ACOT7: variants seen among roughly 807,000 people sequenced by gnomAD.
ACOT7 encodes the protein acyl-CoA thioesterase 7.
ACOT7 carries 12 observed loss-of-function variants against 40.2 expected under a neutral mutation model. The ratio of observed to expected loss-of-function variants is 0.30; its 90% confidence interval spans 0.19 to 0.48. The LOEUF is 0.48. ACOT7 is among the 20% of genes least tolerant of loss of function. The pLI is 0.99. For missense variants in ACOT7, 395 were observed against 530.8 expected (o/e 0.74, Z 2.51); for synonymous variants, 228 against 219.5 (o/e 1.04, Z -0.34).
At chr1:6,371,787 G>A (rs1451805266) in intron 1 of ACOT7, among the ~76,000 whole-genome samples, 1 of 151,736 alleles carries the variant, frequency 6.6e-6, no homozygotes, top group Non-Finnish European at 1.5e-5. Flanking sequence ...GCTCACGCCT[G>A]TAATCTCAGC....
chr1:6,362,745 T>C (rs1557668385), intron 1 of ACOT7, among the ~76,000 whole-genome samples: 1 of 151,764 alleles, frequency 6.6e-6, no homozygotes, highest in African/African-American at 2.4e-5. Context: ...CAGAGCTCAA[T>C]GTGAAAAAAA....
chr1:6,286,295 AG>A (rs1270747134), intron 7 of ACOT7, among the ~76,000 whole-genome samples: 12 of 152,018 alleles, frequency 7.9e-5, no homozygotes, highest in African/African-American at 2.9e-4. Context: ...CACCTAGGAG[AG>A]GTGTGGATGC....
Position 6,303,586 on chromosome 1 carries a change from C to T in ACOT7, c.713-8606G>A, listed in dbSNP as rs538481878. On this transcript the variant is annotated intron_variant, in intron 6 of 8. Transcript: ENST00000361521. ...GTGCCGCTGTCTGTTCTGTGGGCGGCAATCTGAGATGCCCCCATTTCTATA... is the reference window on the plus strand; with the variant it reads ...GTGCCGCTGTCTGTTCTGTGGGCGGTAATCTGAGATGCCCCCATTTCTATA... Among the ~76,000 whole-genome samples, 19 of 152,326 alleles carry T rather than the reference C, an allele frequency of 1.2e-4. No individual in the cohort carries two copies. The South Asian group carries it at 3.7e-3, about 30-fold the overall frequency.
chr1:6,297,376 C>A (rs1639838441), intron 6 of ACOT7, among the ~76,000 whole-genome samples: 1 of 152,158 alleles, frequency 6.6e-6, no homozygotes, highest in East Asian at 1.9e-4. Flanking sequence ...CAGAGAGAGG[C>A]AGAAAACCAG....
In ACOT7 at chr1:6,299,886, C is replaced by T. The variant is rs1228681360; in HGVS notation, c.713-4906G>A. 2.6e-5 allele frequency among the ~76,000 whole-genome samples: 4 copies of T among 152,236 alleles called. No individual in the cohort carries two copies. The highest frequency in any genetic ancestry group is 6.5e-5 in the Admixed American group (1 of 15,284). ...CCACGGCATTTCCCACAGACCAACT[C>T]TAAATACTGCCCTGGGCAGCCAACA... On this transcript the variant is annotated intron_variant, in intron 6 of 8. Coordinates refer to ENST00000361521, the MANE Select transcript of ACOT7 (RefSeq NM_007274.4). This position sits in a 1 kb window ranked among gnomAD's most constrained non-coding sequence, Gnocchi z 4.1.
intron 6 of ACOT7, among the ~76,000 whole-genome samples, chr1:6,303,265 A>G (rs1286668701): frequency 6.6e-6 from 1 of 152,204 alleles, no homozygotes; most frequent in Non-Finnish European, 1.5e-5. Context: ...GTAATTTAAA[A>G]GATGACAACA....
chr1:6,264,748 C>T lies in ACOT7; in HGVS notation c.1015-53G>A, dbSNP rs529107914. On this transcript the variant is annotated intron_variant, in intron 8 of 8. Coordinates refer to ENST00000361521, the MANE Select transcript of ACOT7 (RefSeq NM_007274.4). Reference sequence around the variant, plus strand: ...GTTAGGGTCACTGCAGAACCAGTGCCGTGGCCTTGTGACCTGGCCTGGGGC... The same window carrying T: ...GTTAGGGTCACTGCAGAACCAGTGCTGTGGCCTTGTGACCTGGCCTGGGGC... The T allele has an allele frequency of 2.8e-5, 45 of 1,582,522 alleles. No individual in the cohort carries two copies. In the Admixed American group the frequency reaches 3.1e-4, roughly 11 times the overall value.
At chr1:6,331,052 T>A (rs1640939191) in intron 4 of ACOT7, among the ~76,000 whole-genome samples, 1 of 152,194 alleles carries the variant, frequency 6.6e-6, no homozygotes, top group Non-Finnish European at 1.5e-5. Flanking sequence ...AGCCCCCATC[T>A]GACCCCTGCT....
In ACOT7 at chr1:6,282,858, G is replaced by A; in HGVS notation, c.830-1572C>T. ...TCACAAGACGCACCCCGGGAGGAGG[G>A]CAGGCCATGGGTCAGGCCCCAGCTA... is the stretch of plus-strand genomic sequence containing the variant. On this transcript the variant is annotated intron_variant, in intron 7 of 8. Coordinates refer to ENST00000361521, the MANE Select transcript of ACOT7 (RefSeq NM_007274.4). This position sits in a 1 kb window ranked among gnomAD's most constrained non-coding sequence, Gnocchi z 4.5. 1 of 1,202,596 alleles carries A rather than the reference G, an allele frequency of 8.3e-7. No homozygotes were observed. Among genetic ancestry groups the A allele is most frequent in the South Asian group, 1.3e-5 (1 of 79,072 alleles). The allele number at this position is 1,202,596 out of a possible 1,614,324, so 74.5% of individuals were successfully genotyped here.
rs1165151638 is a variant in ACOT7 at position 6,282,730 on chromosome 1, C to T, written c.830-1444G>A. On this transcript the variant is annotated intron_variant, in intron 7 of 8. Transcript: ENST00000361521. The surrounding 1 kb of genome is among the most constrained non-coding windows in gnomAD (Gnocchi z 4.5). ...CATTCAACTTCATACTTACAGGGAG[C>T]ACTTCGTGCCAGTGCTGGGAGAGGA... The T allele has an allele frequency of 6.1e-6, 8 of 1,304,170 alleles. No individual in the cohort carries two copies. The South Asian group carries it at 9.9e-5, about 16-fold the overall frequency. The allele number at this position is 1,304,170 out of a possible 1,614,324, so 80.8% of individuals were successfully genotyped here.
chr1:6,324,976 G>A (rs1004820066), intron 5 of ACOT7, among the ~76,000 whole-genome samples: 5 of 152,202 alleles, frequency 3.3e-5, no homozygotes, highest in Admixed American at 6.5e-5. Flanking sequence ...CCTTACAGCC[G>A]GTGTCTGACC....
intron 8 of ACOT7, among the ~76,000 whole-genome samples, chr1:6,273,737 G>A (rs947198526): frequency 1.3e-5 from 2 of 152,274 alleles, no homozygotes; most frequent in Non-Finnish European, 1.5e-5. Flanking sequence ...GTAAGAGCCC[G>A]CACACGGGCG....
intron 1 of ACOT7, among the ~76,000 whole-genome samples, chr1:6,383,585 T>G (rs1006348315): frequency 6.6e-6 from 1 of 150,846 alleles, no homozygotes; most frequent in African/African-American, 2.4e-5. Flanking sequence ...TTGTCCAGGC[T>G]GGATTGCAGT....
Position 6,355,860 on chromosome 1 carries a change from T to TGAGGGGAGCCTGGCAGG in ACOT7, c.144-6011_144-5995dup, listed in dbSNP as rs766636308. 6.6e-6 allele frequency among the ~76,000 whole-genome samples: 1 copy of TGAGGGGAGCCTGGCAGG among 151,944 alleles called. No homozygotes were observed. The highest frequency in any genetic ancestry group is 2.4e-5 in the African/African-American group (1 of 41,362). On this transcript the variant is annotated intron_variant, in intron 1 of 8. Transcript: ENST00000361521. The surrounding 1 kb of genome is among the most constrained non-coding windows in gnomAD (Gnocchi z 5.0). ...GCGGGAGTGAGGCGCCTGGAACAAT[T>TGAGGGGAGCCTGGCAGG]GAGGGGAGCCTGGCAGGGAGGGGAG...
chr1:6,380,086 A>C (rs761586102), intron 1 of ACOT7, among the ~76,000 whole-genome samples: 1 of 151,616 alleles, frequency 6.6e-6, no homozygotes, highest in African/African-American at 2.4e-5. Context: ...CAGTGAGTGG[A>C]AAAAAATATT....
Position 6,330,188 on chromosome 1 carries a change from A to G in ACOT7, c.511-2775T>C, listed in dbSNP as rs1640917554. Among the ~76,000 whole-genome samples the G allele has an allele frequency of 6.6e-6, 1 of 152,192 alleles. No individual in the cohort carries two copies. The highest frequency in any genetic ancestry group is 6.5e-5 in the Admixed American group (1 of 15,286). ...TACATACAGGGACGTACATTTTCCT[A>G]AATCGGGGATGGCTGTCTGTAGAAA... is the stretch of plus-strand genomic sequence containing the variant. On this transcript the variant is annotated intron_variant, in intron 4 of 8. Coordinates refer to ENST00000361521, the MANE Select transcript of ACOT7 (RefSeq NM_007274.4). The surrounding 1 kb of genome is among the most constrained non-coding windows in gnomAD (Gnocchi z 4.6).
intron 8 of ACOT7, among the ~76,000 whole-genome samples, chr1:6,268,179 TAGA>T (rs1341793551): frequency 6.6e-6 from 1 of 152,090 alleles, no homozygotes; most frequent in Non-Finnish European, 1.5e-5. Context: ...CCTCTGTGAA[TAGA>T]AGAAAACCTG....
intron 6 of ACOT7, among the ~76,000 whole-genome samples, chr1:6,297,869 TG>T (rs1344415828): frequency 6.6e-6 from 1 of 152,004 alleles, no homozygotes. Context: ...CCCAGGGGCT[TG>T]GGATGCTCTA....
At chr1:6,334,054 TG>T (rs1641033962) in intron 3 of ACOT7, among the ~76,000 whole-genome samples, 1 of 152,120 alleles carries the variant, frequency 6.6e-6, no homozygotes, top group Admixed American at 6.5e-5. Flanking sequence ...CTCTTCCTGG[TG>T]TTTTGACAGA....
Sources: gnomAD v4.1 joint callset for allele counts (sites outside exome capture counted in the v4.1 genomes callset) on GRCh38, gnomAD v4.1.1 for gene constraint, Gnocchi (gnomAD v3.1) non-coding constraint, MANE v1.5 for transcripts, NCBI Gene and HGNC (gene_info 2026-07-23, HGNC 2026-07-21) for gene names.